The following PRPH2 variants were observed in gnomAD, a reference collection of about 807,000 sequenced individuals.
PRPH2 encodes peripherin-2.
A neutral mutation model predicts 31.3 loss-of-function variants in PRPH2; 17 were observed. The observed-to-expected ratio is 0.54, with a 90% CI of 0.37 to 0.81. PRPH2 has a LOEUF of 0.81. Among genes scored for constraint, PRPH2 ranks in the 40% least tolerant of loss-of-function variants. The pLI is 0.00. For missense variants in PRPH2, 430 were observed against 439.7 expected (o/e 0.98, Z 0.20); for synonymous variants, 165 against 184.4 (o/e 0.89, Z 0.85).
intron 1 of PRPH2, 109 bp downstream of exon 1, chr6:42,721,644 CG>C (rs1761902489): frequency 3.1e-6 from 4 of 1,279,136 alleles, no homozygotes; most frequent in Non-Finnish European, 4.5e-6. Flanking sequence ...GTTGTGCACC[CG>C]ATGGAGAGGA....
chr6:42,699,516 T>G (rs1464295529), intron 2 of PRPH2, among the ~76,000 whole-genome samples: 1 of 152,146 alleles, frequency 6.6e-6, no homozygotes, highest in Non-Finnish European at 1.5e-5. Context: ...AAACCTCACT[T>G]TATTCATCCG....
intron 2 of PRPH2, among the ~76,000 whole-genome samples, 196 bp downstream of exon 2, chr6:42,704,169 A>G (rs201993730): frequency 9.6e-5 from 8 of 83,210 alleles, no homozygotes; most frequent in African/African-American, 1.4e-4. Context: ...ATAAATGAAT[A>G]AATAAATAAA....
intron 1 of PRPH2, among the ~76,000 whole-genome samples, chr6:42,712,742 C>A (rs1397564824): frequency 6.6e-6 from 1 of 151,192 alleles, no homozygotes. Flanking sequence ...TTTTTAGAGA[C>A]CTTGTGCTCA....
chr6:42,702,601 C>T (rs1415411776), intron 2 of PRPH2, among the ~76,000 whole-genome samples: 6 of 152,042 alleles, frequency 3.9e-5, no homozygotes, highest in Admixed American at 1.3e-4. Context: ...TGGTGGCTCA[C>T]GCCTGTAATC....
At chr6:42,711,281 G>A (rs76966140) in intron 1 of PRPH2, among the ~76,000 whole-genome samples, 1,734 of 152,330 alleles carry the variant, frequency 0.011, 32 homozygotes, top group African/African-American at 0.039. Flanking sequence ...CTCCAGAACA[G>A]TAAGAAATAA....
chr6:42,702,916 C>T (rs1188340600), intron 2 of PRPH2, among the ~76,000 whole-genome samples: 1 of 151,606 alleles, frequency 6.6e-6, no homozygotes, highest in Admixed American at 6.6e-5. Context: ...GTGGCACACA[C>T]CTGTAATCCC....
At chr6:42,713,458 G>A (rs192057272) in intron 1 of PRPH2, among the ~76,000 whole-genome samples, 19 of 152,272 alleles carry the variant, frequency 1.2e-4, no homozygotes, top group Admixed American at 9.2e-4. Context: ...CACAGGCGCC[G>A]CAGAGCCCGG....
intron 1 of PRPH2, among the ~76,000 whole-genome samples, chr6:42,709,852 C>G (rs1307215107): frequency 6.6e-6 from 1 of 152,168 alleles, no homozygotes; most frequent in African/African-American, 2.4e-5. Flanking sequence ...CTTCCCTGTC[C>G]CAGGAGTCCT....
chr6:42,710,113 G>T (rs1270738105), intron 1 of PRPH2, among the ~76,000 whole-genome samples: 1 of 152,170 alleles, frequency 6.6e-6, no homozygotes, highest in East Asian at 1.9e-4. Context: ...CCACCAGGCT[G>T]TCTCCCCTCA....
chr6:42,703,268 G>A (rs889001767), intron 2 of PRPH2, among the ~76,000 whole-genome samples: 5 of 152,070 alleles, frequency 3.3e-5, no homozygotes, highest in African/African-American at 4.8e-5. Flanking sequence ...ACCAAAGAGC[G>A]AATTCAGCAC....
chr6:42,704,268 G>A, intron 2 of PRPH2, 97 bp downstream of exon 2: 8 of 1,495,288 alleles, frequency 5.4e-6, no homozygotes, highest in Non-Finnish European at 7.3e-6. Flanking sequence ...TTTCCAAAGA[G>A]GGAGGCATGC....
At chr6:42,718,154 A>G (rs562499937) in intron 1 of PRPH2, among the ~76,000 whole-genome samples, 9 of 152,192 alleles carry the variant, frequency 5.9e-5, no homozygotes, top group Admixed American at 3.3e-4. Flanking sequence ...TACCAAAAAT[A>G]CAGAAAATTA....
At chr6:42,710,243 A>T (rs1407187060) in intron 1 of PRPH2, among the ~76,000 whole-genome samples, 1 of 151,696 alleles carries the variant, frequency 6.6e-6, no homozygotes, top group Non-Finnish European at 1.5e-5. Flanking sequence ...CTCCCCTCAG[A>T]CTGGGGCCCC....
At chr6:42,715,235 T>C (rs1282170868) in intron 1 of PRPH2, among the ~76,000 whole-genome samples, 1 of 151,060 alleles carries the variant, frequency 6.6e-6, no homozygotes, top group African/African-American at 2.4e-5. Context: ...AAACAAAAAC[T>C]AAAAAAGATT....
In PRPH2 at chr6:42,721,859, A is replaced by G; in HGVS notation, c.476T>C (p.Leu159Pro). The G allele has an allele frequency of 6.2e-7, 1 of 1,614,218 alleles. No individual in the cohort carries two copies. Among genetic ancestry groups the G allele is most frequent in the South Asian group, 1.1e-5 (1 of 91,080 alleles). ...RCFMKKTIDM[L>P]QIEFKCCGNN... ...GCCGCAGCATTTGAACTCGATCTGCAGCATGTCGATGGTCTTCTTCATGAA... is the reference window on the plus strand; with the variant it reads ...GCCGCAGCATTTGAACTCGATCTGCGGCATGTCGATGGTCTTCTTCATGAA... The change falls in exon 1 of 3, where the codon CTG becomes CCG. Residue 159 changes from leucine to proline, a missense_variant. By Grantham distance (98) the Leu-to-Pro change is moderately conservative. Coordinates refer to ENST00000230381, the MANE Select transcript of PRPH2 (RefSeq NM_000322.5).
chr6:42,704,316 G>A (rs1222977150), intron 2 of PRPH2, 49 bp downstream of exon 2: 9 of 1,585,236 alleles, frequency 5.7e-6, no homozygotes, highest in East Asian at 2.3e-5. Context: ...GACCCAAATG[G>A]GACCGGAGGC....
At chr6:42,717,714 A>G (rs1013872781) in intron 1 of PRPH2, among the ~76,000 whole-genome samples, 1 of 152,160 alleles carries the variant, frequency 6.6e-6, no homozygotes, top group African/African-American at 2.4e-5. Context: ...GCCATTCCAC[A>G]GTCTCTCATT....
intron 1 of PRPH2, among the ~76,000 whole-genome samples, chr6:42,720,556 C>T (rs995289283): frequency 6.6e-6 from 1 of 152,140 alleles, no homozygotes; most frequent in Non-Finnish European, 1.5e-5. Flanking sequence ...CAAGAAGTGA[C>T]CTTCACTTGG....
intron 1 of PRPH2, among the ~76,000 whole-genome samples, chr6:42,712,742 C>T (rs1397564824): frequency 4.0e-5 from 6 of 151,192 alleles, no homozygotes; most frequent in Admixed American, 2.6e-4. Context: ...TTTTTAGAGA[C>T]CTTGTGCTCA....
Sources: allele counts gnomAD v4.1 joint callset (sites outside exome capture counted in the v4.1 genomes callset), GRCh38; gene constraint gnomAD v4.1.1; transcripts MANE v1.5; gene names NCBI Gene and HGNC (gene_info 2026-07-23, HGNC 2026-07-21).